Variants in TAF6 observed in about 807,000 individuals in gnomAD.
The protein encoded by TAF6 is TATA-box binding protein associated factor 6, also known as transcription initiation factor TFIID subunit 6.
A neutral mutation model predicts 73.5 loss-of-function variants in TAF6; 50 were observed. The ratio of observed to expected loss-of-function variants is 0.68; its 90% CI spans 0.54 to 0.86. The LOEUF (loss-of-function observed/expected upper bound fraction) is 0.86, where lower values mean the gene tolerates loss of function less well. Among genes scored for constraint, TAF6 ranks in the 40% least tolerant of loss-of-function variants. TAF6 has a pLI of 0.00. For synonymous variants in TAF6, 424 were observed against 376.7 expected (o/e 1.13, Z -1.45); for missense variants, 768 against 899.5 (o/e 0.85, Z 1.87).
upstream of TAF6, chr7:100,119,972 A>G: frequency 1.0e-6 from 1 of 978,532 alleles, no homozygotes; most frequent in Non-Finnish European, 1.5e-6. Context: ...TGAAGGCTTG[A>G]GGGAGGTTCT....
At chr7:100,107,751 G>A (rs539371285) in intron 14 of TAF6, 128 bp from the exon 15 acceptor site, 1 of 1,437,972 alleles carries the variant, frequency 7.0e-7, no homozygotes, top group African/African-American at 1.4e-5. Context: ...AGACAGCTAT[G>A]GCTGGAGACC....
At chr7:100,109,304 TAC>T (rs1418876704) in intron 12 of TAF6, among the ~76,000 whole-genome samples, 2 of 147,260 alleles carry the variant, frequency 1.4e-5, no homozygotes, top group Non-Finnish European at 3.0e-5. Context: ...CAGCCTGGGT[TAC>T]AGAGTGAGAC....
chr7:100,119,683 G>C, upstream of TAF6: 1 of 1,613,144 alleles, frequency 6.2e-7, no homozygotes, highest in Non-Finnish European at 8.5e-7. Context: ...GAATTTAAGG[G>C]ACCCACACTA....
chr7:100,121,114 A>ATTTTTTTT (rs1798043118), upstream of TAF6: 1 of 31,162 alleles, frequency 3.2e-5, no homozygotes, highest in Middle Eastern at 0.017. Flanking sequence ...ATATATATAT[A>ATTTTTTTT]TATTTTTTTT....
rs531333079 is a variant in TAF6, at chr7:100,108,752, C to T, written c.1285-212G>A. On this transcript the variant is annotated intron_variant, in intron 12 of 14. Coordinates refer to ENST00000453269, the MANE Select transcript of TAF6 (RefSeq NM_139315.3). ...GCTTTCTCATAAGAAAAGATGGGCA[C>T]GGGGCCAGGTGCAGCATCTTAGGCC... is the stretch of plus-strand genomic sequence containing the variant. 4.7e-5 allele frequency: 23 copies of T among 484,470 alleles called. 1 individual carries two copies. The Admixed American group carries it at 6.9e-4, about 14-fold the overall frequency. 30.0% of individuals were successfully genotyped at this position (484,470 alleles called of 1,614,324 possible).
At chr7:100,112,274 G>A in intron 6 of TAF6, 21 bp from the exon 7 acceptor site, 1 of 1,606,128 alleles carries the variant, frequency 6.2e-7, no homozygotes, top group Non-Finnish European at 8.5e-7. Flanking sequence ...GGAAAGGTGG[G>A]TCTGACAAAG....
upstream of TAF6, chr7:100,122,604 C>G (rs185944409): frequency 3.2e-6 from 5 of 1,565,778 alleles, no homozygotes; most frequent in African/African-American, 6.8e-5. Flanking sequence ...GGGCAGGACC[C>G]CACTTCTCAG....
upstream of TAF6, among the ~76,000 whole-genome samples, chr7:100,123,598 G>A (rs1307126382): frequency 6.6e-6 from 1 of 151,930 alleles, no homozygotes; most frequent in Non-Finnish European, 1.5e-5. Flanking sequence ...TCGGCTCACC[G>A]CGACCTCCGC....
chr7:100,108,661 C>A, intron 12 of TAF6, 121 bp from the exon 13 acceptor site: 1 of 1,127,766 alleles, frequency 8.9e-7, no homozygotes, highest in Non-Finnish European at 1.2e-6. Context: ...CATTCCTTAT[C>A]ATCTCAGTGC....
chr7:100,113,496 C>T, intron 4 of TAF6, 91 bp from the exon 5 acceptor site: 1 of 1,533,458 alleles, frequency 6.5e-7, no homozygotes, highest in Non-Finnish European at 8.8e-7. Flanking sequence ...ACTCCTGCTC[C>T]CCTTGCAACT....
At chr7:100,118,192 A>AAAAC (rs1562935091) in intron 1 of TAF6, among the ~76,000 whole-genome samples, 3 of 152,108 alleles carry the variant, frequency 2.0e-5, no homozygotes. Flanking sequence ...TCTTTTTGTA[A>AAAAC]AAACACAAAA....
At position 100,108,831 on chromosome 7, in the gene TAF6, C is replaced by T. The variant is rs150877929; in HGVS notation, c.1285-291G>A. On this transcript the variant is annotated intron_variant, in intron 12 of 14. Transcript: ENST00000453269. The stretch of plus-strand genomic sequence containing the variant: ...GGGTGGATCACTTGAGGTCAAGAGC[C>T]TGGCCAAAATGGAGAAACCTCATCT... 9.9e-3 allele frequency: 2,683 copies of T among 271,772 alleles called. 37 individuals carry two copies. The highest frequency in any genetic ancestry group is 0.05 in the Middle Eastern group (46 of 912). 16.8% of individuals were successfully genotyped at this position (271,772 alleles called of 1,614,324 possible).
At chr7:100,107,750 T>C (rs1457647164) in intron 14 of TAF6, 127 bp from the exon 15 acceptor site, 2 of 1,441,340 alleles carry the variant, frequency 1.4e-6, no homozygotes, top group Non-Finnish European at 1.9e-6. Context: ...TAGACAGCTA[T>C]GGCTGGAGAC....
Position 100,111,139 on chromosome 7 carries a change from C to T in TAF6, c.1083G>A (p.Lys361=), listed in dbSNP as rs1345631329. The T allele has an allele frequency of 6.2e-7, 1 of 1,612,306 alleles. No homozygotes were observed. The highest frequency in any genetic ancestry group is 8.5e-7 in the Non-Finnish European group (1 of 1,178,462). The part of the protein sequence containing the change: ...IQSRITKTFT[K]SWVDEKTPWT... ...TGACGCTCAAGTTTTCCTGGCTCACCTTGGTGAAGGTCTTGGTGATCCGGG... is the reference window on the plus strand; with the variant it reads ...TGACGCTCAAGTTTTCCTGGCTCACTTTGGTGAAGGTCTTGGTGATCCGGG... Residue 361 remains lysine (K), a splice_region_variant and synonymous_variant, in exon 10 of 15, where the codon AAG becomes AAA. Transcript: ENST00000453269.
At chr7:100,114,309 A>C (rs1333781516) in intron 1 of TAF6, 41 bp from the exon 2 acceptor site, 1 of 1,587,106 alleles carries the variant, frequency 6.3e-7, no homozygotes, top group African/African-American at 1.3e-5. Context: ...AAGAAACGTG[A>C]GACACAGGGA....
the TAF6 span, among the ~76,000 whole-genome samples, chr7:100,125,838 G>A: frequency 2.0e-5 from 3 of 152,084 alleles, no homozygotes; most frequent in Non-Finnish European, 4.4e-5. Context: ...GAGTGTAGGA[G>A]TTCGAGAGCA....
the TAF6 span, chr7:100,125,032 C>T: frequency 1.1e-6 from 1 of 936,720 alleles, no homozygotes; most frequent in Admixed American, 2.7e-5. Context: ...TAACCTCAGG[C>T]AAGATCCTGG....
chr7:100,124,772 G>A (rs567202350), upstream of TAF6: 3 of 1,613,924 alleles, frequency 1.9e-6, no homozygotes, highest in South Asian at 1.1e-5. Flanking sequence ...AGATGGGGAA[G>A]AGAAAACAGA....
chr7:100,108,292 T>G (rs1286791781), intron 13 of TAF6, 75 bp downstream of exon 13: 1 of 1,510,548 alleles, frequency 6.6e-7, no homozygotes, highest in Non-Finnish European at 8.8e-7. Context: ...CACATGTGGC[T>G]GTGTGCAAGT....
Sources: allele counts gnomAD v4.1 joint callset (sites outside exome capture counted in the v4.1 genomes callset), GRCh38; gene constraint gnomAD v4.1.1; transcripts MANE v1.5; gene names NCBI Gene and HGNC (gene_info 2026-07-23, HGNC 2026-07-21).